Variants in BMPR1B observed in about 807,000 individuals in gnomAD.
BMPR1B encodes bone morphogenetic protein receptor type-1B.
Under a neutral mutation model 59.1 loss-of-function variants are expected in BMPR1B, and 12 were observed. The observed-to-expected ratio is 0.20, with a 90% CI of 0.13 to 0.33. BMPR1B has a LOEUF of 0.33. BMPR1B is among the 10% of genes least tolerant of loss of function. The pLI is 1.00. For missense variants in BMPR1B, 550 were observed against 610.9 expected, an observed-to-expected ratio of 0.90 and a Z score of 1.05; for synonymous variants, 237 against 207.3, an observed-to-expected ratio of 1.14 and a Z score of -1.23.
At chr4:94,839,389 G>T (rs1724953477) in intron 1 of BMPR1B, among the ~76,000 whole-genome samples, 1 of 146,368 alleles carries the variant, frequency 6.8e-6, no homozygotes, top group African/African-American at 2.5e-5. Context: ...TAATGTGTGG[G>T]GGTCTAAGTC....
chr4:94,876,359 G>A (rs1726730942), intron 2 of BMPR1B, among the ~76,000 whole-genome samples: 1 of 152,198 alleles, frequency 6.6e-6, no homozygotes, highest in Non-Finnish European at 1.5e-5. Context: ...GAGGGCAAAT[G>A]TGAAACAGGT....
At chr4:95,052,240 A>G (rs958808134) in intron 3 of BMPR1B, among the ~76,000 whole-genome samples, 1 of 152,216 alleles carries the variant, frequency 6.6e-6, no homozygotes, top group Non-Finnish European at 1.5e-5. Context: ...AAATAATTAT[A>G]GTTTGTGACT....
rs1426543288 is a variant in BMPR1B, at chr4:95,139,148, CT to C, written c.1076+7637del. Among the ~76,000 whole-genome samples, 3 of 152,198 alleles carry C rather than the reference CT, an allele frequency of 2.0e-5. No individual in the cohort carries two copies. In the South Asian group the frequency reaches 6.2e-4, roughly 31 times the overall value. On this transcript the variant is annotated intron_variant, in intron 10 of 12. Coordinates refer to ENST00000515059, the MANE Select transcript of BMPR1B (RefSeq NM_001203.3). ...TCCTTCTAACAGTCAGGACCCTCAG[CT>C]GCAGGTCTGTTGGAGTTTGCTGGAG...
chr4:94,911,200 A>T (rs1458201814), intron 2 of BMPR1B, among the ~76,000 whole-genome samples: 3 of 152,198 alleles, frequency 2.0e-5, no homozygotes, highest in Non-Finnish European at 4.4e-5. Context: ...CAGACTGAGG[A>T]TACAGAGATG....
At chr4:95,078,733 C>T (rs566164040) in intron 3 of BMPR1B, among the ~76,000 whole-genome samples, 1 of 152,214 alleles carries the variant, frequency 6.6e-6, no homozygotes, top group African/African-American at 2.4e-5. Context: ...TGAAATGGCT[C>T]TGTCAAAATC....
chr4:95,112,753 GTC>G (rs1241751711), intron 4 of BMPR1B, among the ~76,000 whole-genome samples: 1 of 151,922 alleles, frequency 6.6e-6, no homozygotes, highest in Non-Finnish European at 1.5e-5. Context: ...TGAATTTACT[GTC>G]TCTGATGTTT....
intron 2 of BMPR1B, among the ~76,000 whole-genome samples, chr4:94,879,037 C>T (rs541332828): frequency 2.0e-5 from 3 of 152,076 alleles, no homozygotes; most frequent in South Asian, 4.2e-4. Context: ...TTTTAGGGTA[C>T]ATGTGCACAA....
intron 1 of BMPR1B, among the ~76,000 whole-genome samples, chr4:94,840,607 G>T (rs1384957403): frequency 2.1e-5 from 3 of 145,354 alleles, no homozygotes; most frequent in African/African-American, 7.7e-5. Flanking sequence ...TTGGTTTTCA[G>T]CTCCATCAGC....
At position 95,155,173 on chromosome 4, in the gene BMPR1B, G is replaced by A. The variant is rs958000394; in HGVS notation, c.*500G>A. ...CAGTCTAAGTTGGAGGACATAGAAC[G>A]GAACTCATCTTAAACATACTCCCCA... On this transcript the variant is annotated 3_prime_UTR_variant, in exon 13 of 13. Transcript: ENST00000515059. 1.1e-4 allele frequency: 18 copies of A among 165,984 alleles called. No individual in the cohort carries two copies. Among genetic ancestry groups the A allele is most frequent in the African/African-American group, 3.9e-4 (16 of 41,504 alleles). 10.3% of individuals were successfully genotyped at this position (165,984 alleles called of 1,614,324 possible).
intron 1 of BMPR1B, among the ~76,000 whole-genome samples, chr4:94,776,059 C>A (rs1284839221): frequency 2.1e-5 from 3 of 145,094 alleles, no homozygotes; most frequent in Non-Finnish European, 4.5e-5. Context: ...CCACTGCACT[C>A]TAGCCTGGGC....
At chr4:94,849,989 G>A (rs1024546450) in intron 1 of BMPR1B, among the ~76,000 whole-genome samples, 2 of 152,124 alleles carry the variant, frequency 1.3e-5, no homozygotes, top group African/African-American at 4.8e-5. Flanking sequence ...GAAACCTACA[G>A]TGCTTACAGG....
At chr4:94,867,351 A>T (rs193299252) in intron 1 of BMPR1B, among the ~76,000 whole-genome samples, 10 of 152,286 alleles carry the variant, frequency 6.6e-5, no homozygotes, top group Admixed American at 3.9e-4. Context: ...TTTCAATCTC[A>T]TCAAGCTTGG....
At chr4:94,960,495 A>G (rs1033808598) in intron 2 of BMPR1B, among the ~76,000 whole-genome samples, 1 of 152,144 alleles carries the variant, frequency 6.6e-6, no homozygotes, top group Non-Finnish European at 1.5e-5. Flanking sequence ...AGAGAAAAAT[A>G]TTTGGCATTC....
chr4:94,953,641 G>A lies in BMPR1B; in HGVS notation c.-112-42399G>A, dbSNP rs116241309. On this transcript the variant is annotated intron_variant, in intron 2 of 12. Transcript: ENST00000515059. ...GAGAGATCCGCTGTTAGCGTGATGCGCTTTCATTTGTGGGTAACCTGACCT... is the reference window on the plus strand; with the variant it reads ...GAGAGATCCGCTGTTAGCGTGATGCACTTTCATTTGTGGGTAACCTGACCT... Among the ~76,000 whole-genome samples, 1,237 of 152,256 alleles carry A rather than the reference G, an allele frequency of 8.1e-3. 15 individuals carry two copies. The highest frequency in any genetic ancestry group is 0.028 in the African/African-American group (1,164 of 41,544).
intron 1 of BMPR1B, among the ~76,000 whole-genome samples, chr4:94,834,937 T>C (rs1162041298): frequency 6.7e-6 from 1 of 148,692 alleles, no homozygotes; most frequent in South Asian, 2.1e-4. Flanking sequence ...AGTTTGTGTT[T>C]CTTTGTTTTT....
At chr4:94,831,245 A>AACAAAACAAAAC (rs768343635) in intron 1 of BMPR1B, among the ~76,000 whole-genome samples, 18,073 of 151,598 alleles carry the variant, frequency 0.12, 1,200 homozygotes, top group Non-Finnish European at 0.13. Context: ...AAAAAAAAAA[A>AACAAAACAAAAC]AAAAAACGTA....
At chr4:95,095,947 G>A (rs570814930) in intron 3 of BMPR1B, among the ~76,000 whole-genome samples, 27 of 151,812 alleles carry the variant, frequency 1.8e-4, no homozygotes, top group Non-Finnish European at 2.8e-4. Flanking sequence ...ACTTTAGGAT[G>A]TAATGGATTA....
chr4:95,126,342 T>C (rs559940778), intron 8 of BMPR1B, among the ~76,000 whole-genome samples: 23 of 152,316 alleles, frequency 1.5e-4, no homozygotes, highest in African/African-American at 5.1e-4. Context: ...AAAAATACTG[T>C]CTTGTTTCTA....
chr4:95,055,545 C>A (rs956679088), intron 3 of BMPR1B, among the ~76,000 whole-genome samples: 16 of 152,224 alleles, frequency 1.1e-4, no homozygotes, highest in African/African-American at 3.4e-4. Context: ...TATTTTGTGG[C>A]ATTTCTTAAT....
Sources: gnomAD v4.1 joint callset for allele counts (sites outside exome capture counted in the v4.1 genomes callset) on GRCh38, gnomAD v4.1.1 for gene constraint, MANE v1.5 for transcripts, NCBI Gene and HGNC (gene_info 2026-07-23, HGNC 2026-07-21) for gene names.